EPS8L2: variants seen among roughly 807,000 people sequenced by gnomAD.
The protein encoded by EPS8L2 is epidermal growth factor receptor kinase substrate 8-like protein 2.
A neutral mutation model predicts 99.4 loss-of-function variants in EPS8L2; 81 were observed. That is an observed-to-expected ratio of 0.82 (90% CI 0.68 to 0.98). EPS8L2 has a LOEUF of 0.98. Ranked by LOEUF, EPS8L2 falls within the 50% of genes least tolerant of loss-of-function variation. The pLI is 0.00. For missense variants in EPS8L2, 1,155 were observed against 968.8 expected (o/e 1.19, Z -2.55); for synonymous variants, 509 against 407.3 (o/e 1.25, Z -3.01).
chr11:724,906 G>A lies in EPS8L2; in HGVS notation c.1560+77G>A. ...AGGGAGGGGCTACCAGGGGAGGTGG[G>A]GAGCGGTCTAGGGCCAGGCTGGGTG... On this transcript the variant is annotated intron_variant, in intron 16 of 20. Coordinates refer to ENST00000318562, the MANE Select transcript of EPS8L2 (RefSeq NM_022772.4). The surrounding 1 kb of genome is among the most constrained non-coding windows in gnomAD (Gnocchi z 5.5). The A allele has an allele frequency of 8.6e-7, 1 of 1,161,974 alleles. No individual in the cohort carries two copies. The highest frequency in any genetic ancestry group is 1.3e-6 in the Non-Finnish European group (1 of 784,808). The allele number at this position is 1,161,974 out of a possible 1,614,324, so 72.0% of individuals were successfully genotyped here.
intron 4 of EPS8L2, among the ~76,000 whole-genome samples, chr11:719,790 C>T (rs1862108376): frequency 6.6e-6 from 1 of 152,158 alleles, no homozygotes; most frequent in African/African-American, 2.4e-5. Context: ...ACTGAGCCTG[C>T]ACCAGGAGGT....
intron 4 of EPS8L2, among the ~76,000 whole-genome samples, chr11:710,868 A>C (rs1861870813): frequency 6.6e-6 from 1 of 152,112 alleles, no homozygotes; most frequent in African/African-American, 2.4e-5. Flanking sequence ...AACTGCCCAC[A>C]CTGTCCCGGG....
chr11:709,627 C>T lies in EPS8L2; in HGVS notation c.100+19C>T, dbSNP rs780527722. ...CTGTTTGGTGAGTGAGGTTTGAGAACGGGCTGGACGTCACAGGGGAGAAAT... is the reference window on the plus strand; with the variant it reads ...CTGTTTGGTGAGTGAGGTTTGAGAATGGGCTGGACGTCACAGGGGAGAAAT... On this transcript the variant is annotated intron_variant, in intron 3 of 20. Coordinates refer to ENST00000318562, the MANE Select transcript of EPS8L2 (RefSeq NM_022772.4). The T allele has an allele frequency of 4.2e-5, 68 of 1,611,608 alleles. No individual in the cohort carries two copies. The African/African-American group carries it at 5.3e-4, about 13-fold the overall frequency.
At position 723,368 on chromosome 11, in the gene EPS8L2, A is replaced by C; in HGVS notation, c.1454+15A>C. On this transcript the variant is annotated intron_variant, in intron 15 of 20. Transcript: ENST00000318562. ...CATACTCACAGGTAAGCCCCCCTCAAAGTGAGGGAGCATGAAAGTGAAACC... is the reference window on the plus strand; with the variant it reads ...CATACTCACAGGTAAGCCCCCCTCACAGTGAGGGAGCATGAAAGTGAAACC... 3 of 1,182,020 alleles carry C rather than the reference A, an allele frequency of 2.5e-6. No individual in the cohort carries two copies. The highest frequency in any genetic ancestry group is 3.6e-6 in the Non-Finnish European group (3 of 833,712). The allele number at this position is 1,182,020 out of a possible 1,614,324, so 73.2% of individuals were successfully genotyped here.
Position 714,592 on chromosome 11 carries a change from C to CATTTTATTTT in EPS8L2, c.165+4126_165+4135dup, listed in dbSNP as rs71464111. On this transcript the variant is annotated intron_variant, in intron 4 of 20. Transcript: ENST00000318562. ...GGCTTTTGCGTTTAGGGCCAGGATC[C>CATTTTATTTT]ATTTTATTTTATTTTATTTTATTTT... 2.6e-3 allele frequency among the ~76,000 whole-genome samples: 384 copies of CATTTTATTTT among 145,682 alleles called. 2 individuals are homozygous for CATTTTATTTT. The highest frequency in any genetic ancestry group is 0.014 in the Middle Eastern group (4 of 284).
chr11:721,834 G>C, intron 10 of EPS8L2, 69 bp from the exon 11 acceptor site: 1 of 1,531,094 alleles, frequency 6.5e-7, no homozygotes, highest in Non-Finnish European at 8.9e-7. Context: ...GATGGGCTGC[G>C]TGGGACAGAA....
intron 1 of EPS8L2, 158 bp from the exon 2 acceptor site, chr11:709,172 C>CCAACTGGGACGTGGGGA (rs532729935): frequency 6.9e-6 from 4 of 576,316 alleles, no homozygotes; most frequent in African/African-American, 6.3e-5. Flanking sequence ...GGACGTGGGG[C>CCAACTGGGACGTGGGGA]CAACTGGGAC....
In EPS8L2 at chr11:726,737, A is replaced by G. The variant is rs777229058; in HGVS notation, c.2053A>G (p.Lys685Glu). Residue 685 changes from lysine (K) to glutamate (E), a missense_variant, in exon 20 of 21, where the codon AAG (lysine) becomes GAG (glutamate). Physicochemically the swap from Lys to Glu is moderately conservative, Grantham distance 56. Coordinates refer to ENST00000318562, the MANE Select transcript of EPS8L2 (RefSeq NM_022772.4). ...VRVYSQLTMQ[K>E]AFLEKQQSGS... ...CGTGTACAGCCAGCTCACCATGCAGAAGGCCTTCCTGGAGGTGAGCCCGCC... is the reference window on the plus strand; with the variant it reads ...CGTGTACAGCCAGCTCACCATGCAGGAGGCCTTCCTGGAGGTGAGCCCGCC... The G allele has an allele frequency of 2.7e-4, 430 of 1,594,542 alleles. No individual in the cohort carries two copies. The highest frequency in any genetic ancestry group is 3.5e-4 in the Non-Finnish European group (405 of 1,172,436).
intron 4 of EPS8L2, among the ~76,000 whole-genome samples, chr11:718,240 G>A (rs1862070518): frequency 6.6e-6 from 1 of 151,960 alleles, no homozygotes; most frequent in Non-Finnish European, 1.5e-5. Flanking sequence ...AGCTGAAGCA[G>A]GAGTATCACT....
At chr11:720,543 T>G in intron 5 of EPS8L2, 54 bp from the exon 6 acceptor site, 2 of 1,563,532 alleles carry the variant, frequency 1.3e-6, no homozygotes, top group Non-Finnish European at 1.7e-6. Context: ...GGCCACTCCC[T>G]GCCAGAGTGC....
intron 4 of EPS8L2, among the ~76,000 whole-genome samples, chr11:712,297 A>C (rs1445653701): frequency 6.6e-6 from 1 of 151,794 alleles, no homozygotes; most frequent in African/African-American, 2.4e-5. Context: ...AAAGGAAAAA[A>C]AAAAAGGCCC....
rs752544116 is a variant in EPS8L2, at chr11:722,626, G to A, written c.1209-47G>A. On this transcript the variant is annotated intron_variant, in intron 13 of 20. Transcript: ENST00000318562. ...GGGGGCCAGCAAGGGGGTCCTGGTG[G>A]GCCAGTTCTGGAGAGGCAGGGCTGA... The A allele has an allele frequency of 4.4e-6, 7 of 1,608,860 alleles. No individual in the cohort carries two copies. The African/African-American group carries it at 9.4e-5, about 22-fold the overall frequency.
In EPS8L2 at chr11:721,200, G is replaced by A. The variant is rs969250415; in HGVS notation, c.694G>A (p.Glu232Lys). 4.0e-5 allele frequency: 61 copies of A among 1,531,738 alleles called. No individual in the cohort carries two copies. Among genetic ancestry groups the A allele is most frequent in the Non-Finnish European group, 5.1e-5 (58 of 1,141,562 alleles). The allele number at this position is 1,531,738 out of a possible 1,614,324, so 94.9% of individuals were successfully genotyped here. The change falls in exon 8 of 21, where the codon GAG (glutamate) becomes AAG (lysine). Residue 232 changes from glutamate to lysine, a missense_variant. Transcript: ENST00000318562. ...CGTGGGCCCGCAGGTGCCACTCAGCGAGCCAGGTGGGCCGAGGGGCTGGAG... is the reference window on the plus strand; with the variant it reads ...CGTGGGCCCGCAGGTGCCACTCAGCAAGCCAGGTGGGCCGAGGGGCTGGAG... ...NRVGPQVPLS[E>K]PGFRRRESQE...
At chr11:715,862 C>T (rs564388061) in intron 4 of EPS8L2, among the ~76,000 whole-genome samples, 2 of 151,820 alleles carry the variant, frequency 1.3e-5, no homozygotes, top group Admixed American at 1.3e-4. Context: ...CCTCACGATC[C>T]GCCTGCCTCG....
intron 1 of EPS8L2, among the ~76,000 whole-genome samples, chr11:707,085 G>T (rs1256377644): frequency 6.6e-6 from 1 of 151,978 alleles, no homozygotes; most frequent in Non-Finnish European, 1.5e-5. Flanking sequence ...GGCTGTGCTG[G>T]GAGGCAGGCC....
Position 724,896 on chromosome 11 carries a change from G to A in EPS8L2, c.1560+67G>A. On this transcript the variant is annotated intron_variant, in intron 16 of 20. Coordinates refer to ENST00000318562, the MANE Select transcript of EPS8L2 (RefSeq NM_022772.4). This position sits in a 1 kb window ranked among gnomAD's most constrained non-coding sequence, Gnocchi z 5.5. ...CAGGGCTTCAAGGGAGGGGCTACCA[G>A]GGGAGGTGGGGAGCGGTCTAGGGCC... is the stretch of plus-strand genomic sequence containing the variant. 3.3e-6 allele frequency: 4 copies of A among 1,218,722 alleles called. No homozygotes were observed. Among genetic ancestry groups the A allele is most frequent in the Non-Finnish European group, 2.4e-6 (2 of 832,386 alleles). 75.5% of individuals were successfully genotyped at this position (1,218,722 alleles called of 1,614,324 possible). A position where few individuals can be genotyped will look rare whatever the true frequency, so the allele number is the denominator to read the frequency against.
At chr11:714,250 G>A (rs1861961435) in intron 4 of EPS8L2, among the ~76,000 whole-genome samples, 1 of 142,556 alleles carries the variant, frequency 7.0e-6, no homozygotes, top group South Asian at 2.2e-4. Context: ...TTTTTTTTGA[G>A]GTGGAGCTTT....
intron 4 of EPS8L2, among the ~76,000 whole-genome samples, chr11:713,727 G>A (rs1382576072): frequency 3.3e-5 from 5 of 152,240 alleles, no homozygotes; most frequent in Admixed American, 3.3e-4. Context: ...TATATCTTTA[G>A]CAGAGATGGG....
At chr11:722,057 G>A (rs200547431) in intron 11 of EPS8L2, 34 bp from the exon 12 acceptor site, 137 of 1,592,460 alleles carry the variant, frequency 8.6e-5, no homozygotes, top group African/African-American at 5.1e-4. Flanking sequence ...GCCCCGCCCC[G>A]CCCCGGCACC....
Sources: allele counts gnomAD v4.1 joint callset (sites outside exome capture counted in the v4.1 genomes callset), GRCh38; gene constraint gnomAD v4.1.1; non-coding constraint Gnocchi (gnomAD v3.1); transcripts MANE v1.5; gene names NCBI Gene and HGNC (gene_info 2026-07-23, HGNC 2026-07-21).